The following RIF1 variants were observed in gnomAD, a reference collection of about 807,000 sequenced individuals.
RIF1 encodes replication timing regulatory factor 1.
Under a neutral mutation model 247.1 loss-of-function variants are expected in RIF1, and 45 were observed. That is an observed-to-expected ratio of 0.18 (90% CI 0.14 to 0.23). The LOEUF (loss-of-function observed/expected upper bound fraction) is 0.23, where lower values mean the gene tolerates loss of function less well. RIF1 is among the 10% of genes least tolerant of loss of function. RIF1 has a pLI of 1.00. For synonymous variants in RIF1, 1,087 were observed against 978.8 expected (o/e 1.11, Z -2.06); for missense variants, 2,967 against 2,862.5 (o/e 1.04, Z -0.83).
chr2:151,447,098 C>T (rs2152415307), intron 20 of RIF1, among the ~76,000 whole-genome samples: 1 of 152,052 alleles, frequency 6.6e-6, no homozygotes, highest in Non-Finnish European at 1.5e-5. Context: ...CGCCCGCCAC[C>T]ACGCCCGGCT....
intron 12 of RIF1, chr2:151,505,946 C>G: frequency 5.1e-6 from 3 of 585,086 alleles, no homozygotes. Context: ...TCTCACAAGC[C>G]TCTCTGTTTT....
In RIF1 at chr2:151,481,095, G is replaced by A. The variant is rs139523535; in HGVS notation, c.*6024G>A. ...TTTCCTGGTACAGTGGCTGAGTTTA[G>A]TAGTATAGCAGAGTCTGTATGGCTT... On this transcript the variant is annotated 3_prime_UTR_variant, in exon 36 of 36. Coordinates refer to ENST00000444746, the MANE Select transcript of RIF1 (RefSeq NM_018151.5). The A allele has an allele frequency of 3.9e-4, 60 of 152,322 alleles. No individual in the cohort carries two copies. The highest frequency in any genetic ancestry group is 1.4e-3 in the African/African-American group (59 of 41,566). 9.4% of individuals were successfully genotyped at this position (152,322 alleles called of 1,614,324 possible).
rs775602748 is a variant in RIF1, at chr2:151,436,992, T to G, written c.1361T>G (p.Val454Gly). ...AGTTTTGCTAAGCAAAATAAACTTG[T>G]GCTGAGCTTAGGTATTTAAAGGTTT... ...ALSFAKQNKL[V>G]LSLEPLEHPL... The change falls in exon 12 of 36, where the codon GTG (valine) becomes GGG (glycine). Residue 454 changes from valine (V) to glycine (G), a missense_variant. Around this residue, in one of 7 missense-constraint regions of RIF1, gnomAD observed 369 missense variants for 322.0 expected, o/e 1.15. Coordinates refer to ENST00000444746, the MANE Select transcript of RIF1 (RefSeq NM_018151.5). The G allele has an allele frequency of 6.2e-7, 1 of 1,611,602 alleles. No individual in the cohort carries two copies. Among genetic ancestry groups the G allele is most frequent in the Non-Finnish European group, 8.5e-7 (1 of 1,179,298 alleles).
In RIF1 at chr2:151,475,054, C is replaced by T. The variant is rs2048864839; in HGVS notation, c.7402C>T (p.His2468Tyr). 1 of 1,608,554 alleles carries T rather than the reference C, an allele frequency of 6.2e-7. No homozygotes were observed. Among genetic ancestry groups the T allele is most frequent in the Admixed American group, 1.7e-5 (1 of 59,978 alleles). ...ACAGTCACGTTGGAGATCACCATCC[C>T]ATGAAAATTCTATTTAGTATTTTCA... ...NLQSRWRSPS[H>Y]ENSI Residue 2468 changes from histidine (H) to tyrosine (Y), a missense_variant, in exon 36 of 36, where the codon CAT (histidine) becomes TAT (tyrosine). By Grantham distance (83) the His-to-Tyr change is moderately conservative. This residue lies in a region of RIF1 where 151 missense variants were observed against 163.4 expected (regional missense o/e 0.92). Transcript: ENST00000444746.
At chr2:151,530,380 G>A in the RIF1 span, among the ~76,000 whole-genome samples, 13 of 152,162 alleles carry the variant, frequency 8.5e-5, no homozygotes, top group Non-Finnish European at 1.6e-4. Context: ...TAAATTTCAG[G>A]GTCGAGGGCC....
chr2:151,532,640 TGAG>T, the RIF1 span, among the ~76,000 whole-genome samples: 1 of 151,760 alleles, frequency 6.6e-6, no homozygotes, highest in Non-Finnish European at 1.5e-5. Context: ...GGAGGAGAAA[TGAG>T]GAGGTTAAGC....
Position 151,463,386 on chromosome 2 carries a change from G to T in RIF1, c.3866G>T (p.Arg1289Leu). The T allele has an allele frequency of 6.2e-7, 1 of 1,613,970 alleles. No homozygotes were observed. Among genetic ancestry groups the T allele is most frequent in the Non-Finnish European group, 8.5e-7 (1 of 1,179,972 alleles). The change falls in exon 30 of 36, where the codon CGG (arginine) becomes CTG (leucine). Residue 1289 changes from arginine (R) to leucine (L), a missense_variant. Arg to Leu is a moderately radical substitution (Grantham distance 102, BLOSUM62 -2). Transcript: ENST00000444746. ...GTGAATGGAACTAAGAGATCAAGCCGGAGAGCTGGTAAAGCTGAACAAACA... is the reference window on the plus strand; with the variant it reads ...GTGAATGGAACTAAGAGATCAAGCCTGAGAGCTGGTAAAGCTGAACAAACA... ...KIVNGTKRSS[R>L]RAGKAEQTGN...
chr2:151,462,061 T>G (rs766695875), intron 27 of RIF1, among the ~76,000 whole-genome samples, 181 bp from the exon 28 acceptor site: 1 of 151,946 alleles, frequency 6.6e-6, no homozygotes, highest in Non-Finnish European at 1.5e-5. Flanking sequence ...TTTGTAGAGA[T>G]AGGATTTTGC....
chr2:151,420,664 A>G (rs1339839762), intron 7 of RIF1, among the ~76,000 whole-genome samples: 1 of 149,792 alleles, frequency 6.7e-6, no homozygotes, highest in African/African-American at 2.5e-5. Context: ...TTGACCAGAA[A>G]TTTGAGGCTG....
Position 151,463,687 on chromosome 2 carries a change from C to A in RIF1, c.4167C>A (p.Pro1389=). The A allele has an allele frequency of 6.2e-7, 1 of 1,613,730 alleles. No homozygotes were observed. The highest frequency in any genetic ancestry group is 2.2e-5 in the East Asian group (1 of 44,860). The stretch of plus-strand genomic sequence containing the variant: ...ATTTGGAATCCAAAGAGAATACACC[C>A]CCAGTAGTAATATCAGCAGATCAAA... ...EINLESKENT[P]PVVISADQMV... Residue 1389 remains proline, a synonymous_variant, in exon 30 of 36, where the codon CCC becomes CCA. Transcript: ENST00000444746.
chr2:151,461,391 AT>A (rs374480238), intron 27 of RIF1, 102 bp downstream of exon 27: 142,684 of 748,956 alleles, frequency 0.19, 2 homozygotes, highest in South Asian at 0.22. Context: ...ATGTGTACTA[AT>A]TTTTTTTTTT....
the RIF1 span, chr2:151,525,216 G>A: frequency 1.9e-6 from 3 of 1,613,832 alleles, no homozygotes; most frequent in African/African-American, 4.0e-5. Flanking sequence ...GGTGGCTCCA[G>A]CATGATGGAG....
chr2:151,528,878 G>A, the RIF1 span, among the ~76,000 whole-genome samples: 1 of 152,154 alleles, frequency 6.6e-6, no homozygotes, highest in Non-Finnish European at 1.5e-5. Context: ...AGAGCACAGG[G>A]AAAGAGAATG....
At chr2:151,434,911 G>A (rs1690881412) in intron 10 of RIF1, among the ~76,000 whole-genome samples, 2 of 152,012 alleles carry the variant, frequency 1.3e-5, no homozygotes. Flanking sequence ...TTCTTGGACA[G>A]GAGGACTTAT....
chr2:151,467,801 A>G (rs1044242238), intron 30 of RIF1, among the ~76,000 whole-genome samples, 199 bp from the exon 31 acceptor site: 4 of 152,112 alleles, frequency 2.6e-5, no homozygotes, highest in Non-Finnish European at 4.4e-5. Flanking sequence ...AGTTTAAAAT[A>G]TAGAAAATTA....
chr2:151,410,720 C>T (rs186781657), intron 2 of RIF1, among the ~76,000 whole-genome samples, 193 bp downstream of exon 2: 49 of 152,156 alleles, frequency 3.2e-4, no homozygotes, highest in African/African-American at 1.1e-3. Flanking sequence ...GCTGCTGCTG[C>T]GCTTGAGGTG....
the RIF1 span, chr2:151,525,073 G>T: frequency 1.0e-6 from 1 of 962,172 alleles, no homozygotes; most frequent in Non-Finnish European, 1.7e-6. Context: ...AGAGGAATTA[G>T]AGTGACCACA....
chr2:151,514,362 G>A, the RIF1 span: 3 of 1,613,800 alleles, frequency 1.9e-6, no homozygotes, highest in Non-Finnish European at 2.5e-6. Flanking sequence ...AGCATGTCAG[G>A]TGTATCTTCC....
intron 11 of RIF1, among the ~76,000 whole-genome samples, chr2:151,436,085 G>A (rs145119016): frequency 4.6e-5 from 7 of 152,134 alleles, no homozygotes; most frequent in Admixed American, 6.6e-5. Flanking sequence ...TTAGCCGGGC[G>A]TGGTCGTGGG....
Sources: allele counts gnomAD v4.1 joint callset (sites outside exome capture counted in the v4.1 genomes callset), GRCh38; gene constraint gnomAD v4.1.1; regional missense constraint gnomAD v4.1.1; transcripts MANE v1.5; gene names NCBI Gene and HGNC (gene_info 2026-07-23, HGNC 2026-07-21).